The following HMGCLL1 variants were observed in gnomAD, a reference collection of about 807,000 sequenced individuals.
HMGCLL1 encodes the protein 3-hydroxymethyl-3-methylglutaryl-CoA lyase, cytoplasmic.
In HMGCLL1, 36 loss-of-function variants were observed where a neutral mutation model predicts 39.1. The observed-to-expected ratio is 0.92, with a 90% CI of 0.71 to 1.22. The LOEUF (loss-of-function observed/expected upper bound fraction) is 1.22, where lower values mean the gene tolerates loss of function less well. HMGCLL1 is among the 50% of genes most tolerant of loss of function. HMGCLL1 has a pLI of 0.00. For synonymous variants in HMGCLL1, 149 were observed against 144.0 expected, an observed-to-expected ratio of 1.03 and a Z score of -0.25; for missense variants, 451 against 416.5, an observed-to-expected ratio of 1.08 and a Z score of -0.72.
At chr6:55,589,412 A>T in the HMGCLL1 span, among the ~76,000 whole-genome samples, 1 of 152,194 alleles carries the variant, frequency 6.6e-6, no homozygotes. Flanking sequence ...TCAAAATAAT[A>T]AGAGCTATTT....
At chr6:55,554,806 T>C (rs1770562994) in intron 1 of HMGCLL1, among the ~76,000 whole-genome samples, 1 of 152,178 alleles carries the variant, frequency 6.6e-6, no homozygotes, top group South Asian at 2.1e-4. Flanking sequence ...CATTCTGTTC[T>C]CCCACAGACT....
chr6:55,673,300 T>C, the HMGCLL1 span, among the ~76,000 whole-genome samples: 3 of 151,918 alleles, frequency 2.0e-5, no homozygotes, highest in African/African-American at 7.2e-5. Flanking sequence ...GTAAGCACAG[T>C]GTAAAAAGCC....
At chr6:55,530,827 A>G (rs1164498001) in intron 3 of HMGCLL1, among the ~76,000 whole-genome samples, 25 of 152,200 alleles carry the variant, frequency 1.6e-4, no homozygotes, top group Non-Finnish European at 1.5e-5. Context: ...GTGTGTACCT[A>G]AAAATTAGAA....
At chr6:55,562,564 C>T (rs1342967791) in intron 1 of HMGCLL1, among the ~76,000 whole-genome samples, 2 of 152,110 alleles carry the variant, frequency 1.3e-5, no homozygotes, top group African/African-American at 2.4e-5. Flanking sequence ...AAAACATCAA[C>T]AGCTGACTTA....
chr6:55,580,720 T>C (rs1771970107), upstream of HMGCLL1, among the ~76,000 whole-genome samples: 1 of 152,138 alleles, frequency 6.6e-6, no homozygotes. Context: ...CAGCCGGATG[T>C]TTAACCTGGA....
At chr6:55,654,169 T>C in the HMGCLL1 span, among the ~76,000 whole-genome samples, 2 of 151,860 alleles carry the variant, frequency 1.3e-5, no homozygotes, top group Non-Finnish European at 2.9e-5. Context: ...GTACTGATAA[T>C]TGTGAACTAA....
intron 3 of HMGCLL1, among the ~76,000 whole-genome samples, chr6:55,535,827 A>G (rs1252613156): frequency 6.6e-6 from 1 of 152,124 alleles, no homozygotes. Flanking sequence ...TAAGCAAGCA[A>G]TTTGGGGGCT....
chr6:55,449,032 TAGCA>T (rs1763972871), intron 7 of HMGCLL1, among the ~76,000 whole-genome samples: 3 of 152,208 alleles, frequency 2.0e-5, no homozygotes, highest in Non-Finnish European at 4.4e-5. Context: ...TGCAAAAAGG[TAGCA>T]CCTAAAAAGG....
chr6:55,606,471 C>T, the HMGCLL1 span, among the ~76,000 whole-genome samples: 1 of 151,864 alleles, frequency 6.6e-6, no homozygotes, highest in South Asian at 2.1e-4. Flanking sequence ...GGTTCCTAGC[C>T]CAGTGTTCTG....
At chr6:55,442,975 A>G (rs1167603586) in intron 7 of HMGCLL1, among the ~76,000 whole-genome samples, 2 of 152,190 alleles carry the variant, frequency 1.3e-5, no homozygotes, top group African/African-American at 2.4e-5. Context: ...ATCTGAATGT[A>G]TCAGTTTAGG....
chr6:55,607,644 C>A, the HMGCLL1 span, among the ~76,000 whole-genome samples: 1 of 152,130 alleles, frequency 6.6e-6, no homozygotes, highest in African/African-American at 2.4e-5. Context: ...CATTCTAACA[C>A]CTAAAGCTCC....
At chr6:55,665,819 C>T in the HMGCLL1 span, among the ~76,000 whole-genome samples, 24 of 151,694 alleles carry the variant, frequency 1.6e-4, no homozygotes, top group Middle Eastern at 3.4e-3. Context: ...TAAAATTTCT[C>T]AAGATAAGTA....
chr6:55,518,730 G>A (rs890829083), intron 3 of HMGCLL1, among the ~76,000 whole-genome samples: 4 of 152,104 alleles, frequency 2.6e-5, no homozygotes, highest in Admixed American at 6.6e-5. Context: ...GAGGCCCCCA[G>A]CCAATAGTCA....
intron 3 of HMGCLL1, among the ~76,000 whole-genome samples, chr6:55,526,077 A>G (rs7452170): frequency 0.69 from 104,137 of 151,620 alleles, 35,802 homozygotes; most frequent in Admixed American, 0.73. Flanking sequence ...CTTCGTTATC[A>G]TCTTCTTACT....
chr6:55,541,192 A>G (rs1483916294), intron 3 of HMGCLL1, among the ~76,000 whole-genome samples: 1 of 152,090 alleles, frequency 6.6e-6, no homozygotes, highest in South Asian at 2.1e-4. Flanking sequence ...CCCTAGAGAA[A>G]GCTCTCTCAT....
At chr6:55,470,618 T>C (rs1581818815) in intron 7 of HMGCLL1, among the ~76,000 whole-genome samples, 2 of 151,766 alleles carry the variant, frequency 1.3e-5, no homozygotes, top group Non-Finnish European at 2.9e-5. Context: ...TACAATAAAA[T>C]GAACATAATT....
At chr6:55,477,287 A>C (rs1270858552) in intron 7 of HMGCLL1, among the ~76,000 whole-genome samples, 1 of 16,118 alleles carries the variant, frequency 6.2e-5, no homozygotes, top group African/African-American at 6.8e-4. Context: ...TATATATTAT[A>C]TATAAAATAA....
chr6:55,579,235 G>A, upstream of HMGCLL1: 1 of 600,528 alleles, frequency 1.7e-6, no homozygotes, highest in Non-Finnish European at 3.0e-6. Context: ...GGGCGTGGCA[G>A]GTGGCCGCGC....
chr6:55,435,778 AAGGAATATC>A lies in HMGCLL1; in HGVS notation c.922-24_922-16del. 1 of 1,414,644 alleles carries A rather than the reference AAGGAATATC, an allele frequency of 7.1e-7. No individual in the cohort carries two copies. Among genetic ancestry groups the A allele is most frequent in the Non-Finnish European group, 9.8e-7 (1 of 1,021,412 alleles). 87.6% of individuals were successfully genotyped at this position (1,414,644 alleles called of 1,614,324 possible). A position where few individuals can be genotyped will look rare whatever the true frequency, so the allele number is the denominator to read the frequency against. On this transcript the variant is annotated splice_polypyrimidine_tract_variant and intron_variant, in intron 8 of 8. Transcript: ENST00000274901. ...AGATTCACACCCTGGTGACGAAATG[AAGGAATATC>A]AGGAAGGCAGAGGGATTAGAGAGAA...
Sources: allele counts gnomAD v4.1 joint callset (sites outside exome capture counted in the v4.1 genomes callset), GRCh38; gene constraint gnomAD v4.1.1; transcripts MANE v1.5; gene names NCBI Gene and HGNC (gene_info 2026-07-23, HGNC 2026-07-21).